Variants in TENM4 observed in about 807,000 individuals in gnomAD.
The protein encoded by TENM4 is teneurin transmembrane protein 4.
TENM4 carries 82 observed loss-of-function variants against 243.3 expected under a neutral mutation model. That is an observed-to-expected ratio of 0.34 (90% CI 0.28 to 0.40). TENM4 has a LOEUF of 0.40. Ranked by LOEUF, TENM4 falls within the 10% of genes least tolerant of loss-of-function variation. TENM4 has a pLI of 1.00. For synonymous variants in TENM4, 1,412 were observed against 1,456.3 expected, an observed-to-expected ratio of 0.97 and a Z score of 0.69; for missense variants, 3,138 against 3,673.3, an observed-to-expected ratio of 0.85 and a Z score of 3.77.
At chr11:79,269,774 G>A (rs1855938451) in intron 2 of TENM4, 1 of 152,222 alleles carries the variant, frequency 6.6e-6, no homozygotes, top group South Asian at 2.1e-4. Context: ...AAGAGACAAT[G>A]GCCCAGATCT....
rs770705584 is a variant in TENM4, at chr11:78,729,661, A to G, written c.3139-18T>C. 6.3e-6 allele frequency: 10 copies of G among 1,596,938 alleles called. No individual in the cohort carries two copies. The highest frequency in any genetic ancestry group is 7.7e-6 in the Non-Finnish European group (9 of 1,170,366). ...TGCAAAGCCTAGAAAGCAGAGGCAG[A>G]TCACAGCAAGGGACGGTCGTCGACT... On this transcript the variant is annotated intron_variant, in intron 21 of 33. Coordinates refer to ENST00000278550, the MANE Select transcript of TENM4 (RefSeq NM_001098816.3).
chr11:78,955,036 T>C (rs1857179578), intron 6 of TENM4, among the ~76,000 whole-genome samples: 1 of 152,194 alleles, frequency 6.6e-6, no homozygotes, highest in African/African-American at 2.4e-5. Flanking sequence ...CAGATGAAGT[T>C]TGTAACTGGG....
At chr11:78,830,927 A>G (rs1372660161) in intron 12 of TENM4, among the ~76,000 whole-genome samples, 1 of 152,238 alleles carries the variant, frequency 6.6e-6, no homozygotes, top group Non-Finnish European at 1.5e-5. Context: ...GACATGAAAT[A>G]AGGTAACAAT....
intron 2 of TENM4, among the ~76,000 whole-genome samples, chr11:79,291,079 G>A (rs1304548121): frequency 6.6e-6 from 1 of 152,180 alleles, no homozygotes; most frequent in Non-Finnish European, 1.5e-5. Context: ...GGTTTTTGCT[G>A]TGGTGGCTCT....
rs764947927 is a variant in TENM4 at position 78,661,437 on chromosome 11, T to C, written c.7551+12A>G. The C allele has an allele frequency of 1.9e-6, 3 of 1,603,806 alleles. No homozygotes were observed. Among genetic ancestry groups the C allele is most frequent in the Non-Finnish European group, 2.6e-6 (3 of 1,175,516 alleles). On this transcript the variant is annotated intron_variant, in intron 33 of 33. Coordinates refer to ENST00000278550, the MANE Select transcript of TENM4 (RefSeq NM_001098816.3). ...AGTGGCCTGAGGAGTGGCAGCCTTG[T>C]GCAGGAATTACCTTGCTGTTGTCCC...
chr11:78,859,654 C>T (rs1375220738), intron 10 of TENM4, among the ~76,000 whole-genome samples: 1 of 152,216 alleles, frequency 6.6e-6, no homozygotes, highest in Non-Finnish European at 1.5e-5. Context: ...TTCTCTCCCT[C>T]CACCTTTTTG....
chr11:79,168,015 A>T (rs1862955134), intron 3 of TENM4, among the ~76,000 whole-genome samples: 1 of 152,238 alleles, frequency 6.6e-6, no homozygotes, highest in African/African-American at 2.4e-5. Flanking sequence ...AAGGATGGAA[A>T]AAGCATCAGC....
chr11:78,985,486 G>A (rs1391171706), intron 6 of TENM4, among the ~76,000 whole-genome samples: 1 of 152,140 alleles, frequency 6.6e-6, no homozygotes, highest in Non-Finnish European at 1.5e-5. Context: ...GCGTAAAATA[G>A]TTTAAAGCCA....
chr11:79,192,657 T>C (rs1863540823), intron 3 of TENM4, among the ~76,000 whole-genome samples: 1 of 151,944 alleles, frequency 6.6e-6, no homozygotes, highest in South Asian at 2.1e-4. Context: ...AGACCTTTGT[T>C]CACTTGTTTG....
chr11:78,884,600 A>G (rs1262662974), intron 9 of TENM4, among the ~76,000 whole-genome samples: 1 of 152,222 alleles, frequency 6.6e-6, no homozygotes, highest in Non-Finnish European at 1.5e-5. Flanking sequence ...CCTTTTCTAG[A>G]AAATACAGAA....
At chr11:79,201,432 A>G (rs1863734010) in intron 3 of TENM4, among the ~76,000 whole-genome samples, 1 of 151,590 alleles carries the variant, frequency 6.6e-6, no homozygotes, top group South Asian at 2.1e-4. Context: ...TGGGTTTCCT[A>G]CTTTTAAATG....
At chr11:79,109,682 T>C (rs1232548879) in intron 4 of TENM4, among the ~76,000 whole-genome samples, 1 of 152,138 alleles carries the variant, frequency 6.6e-6, no homozygotes, top group Non-Finnish European at 1.5e-5. Flanking sequence ...AGGTAACGAG[T>C]ACATGTTTGG....
At chr11:78,671,909 C>T in intron 31 of TENM4, 124 bp downstream of exon 31, 1 of 1,302,042 alleles carries the variant, frequency 7.7e-7, no homozygotes, top group South Asian at 1.5e-5. Flanking sequence ...GCAGACTTTC[C>T]TGAACATTTC....
intron 1 of TENM4, among the ~76,000 whole-genome samples, chr11:79,299,590 A>G (rs118061125): frequency 3.5e-4 from 53 of 152,324 alleles, no homozygotes; most frequent in East Asian, 1.5e-3. Flanking sequence ...AAAACTGCAT[A>G]ATTTCTAAAA....
chr11:79,189,383 A>G (rs1037844963), intron 3 of TENM4, among the ~76,000 whole-genome samples: 2 of 152,214 alleles, frequency 1.3e-5, no homozygotes, highest in Admixed American at 1.3e-4. Flanking sequence ...AGCATTTATC[A>G]TAATTATATG....
chr11:79,011,197 G>T (rs1026768256), intron 6 of TENM4, among the ~76,000 whole-genome samples: 1 of 152,206 alleles, frequency 6.6e-6, no homozygotes, highest in Non-Finnish European at 1.5e-5. Flanking sequence ...CATGGGCTCT[G>T]CCCCACCCTC....
At chr11:79,108,912 T>C (rs1333453321) in intron 4 of TENM4, among the ~76,000 whole-genome samples, 2 of 151,786 alleles carry the variant, frequency 1.3e-5, no homozygotes, top group African/African-American at 4.8e-5. Flanking sequence ...TCCCTTCCAC[T>C]CTCTCCCCTT....
chr11:79,436,694 G>T (rs1427803921), intron 1 of TENM4, among the ~76,000 whole-genome samples: 4 of 152,140 alleles, frequency 2.6e-5, no homozygotes, highest in Non-Finnish European at 5.9e-5. Flanking sequence ...GTTGGCATCC[G>T]CACTGGTCAA....
At chr11:78,863,660 C>A (rs910574037) in intron 9 of TENM4, among the ~76,000 whole-genome samples, 4 of 152,008 alleles carry the variant, frequency 2.6e-5, no homozygotes, top group Non-Finnish European at 5.9e-5. Flanking sequence ...TATGGTTTGG[C>A]AAAGATAAAA....
Sources: allele counts gnomAD v4.1 joint callset (sites outside exome capture counted in the v4.1 genomes callset), GRCh38; gene constraint gnomAD v4.1.1; transcripts MANE v1.5; gene names NCBI Gene and HGNC (gene_info 2026-07-23, HGNC 2026-07-21).